CACNA1E: variants seen among roughly 807,000 people sequenced by gnomAD.
The protein encoded by CACNA1E is calcium voltage-gated channel subunit alpha1 E.
Under a neutral mutation model 259.2 loss-of-function variants are expected in CACNA1E, and 40 were observed. The ratio of observed to expected loss-of-function variants is 0.15; its 90% CI spans 0.12 to 0.20. The LOEUF (loss-of-function observed/expected upper bound fraction) is 0.20, where lower values mean the gene tolerates loss of function less well. Among genes scored for constraint, CACNA1E ranks in the 10% least tolerant of loss-of-function variants. The probability of loss-of-function intolerance (pLI) is 1.00; values close to 1 mark genes in which losing one functional copy is unlikely to be tolerated. For synonymous variants in CACNA1E, 1,104 were observed against 1,138.5 expected, an observed-to-expected ratio of 0.97 and a Z score of 0.61; for missense variants, 1,874 against 3,040.1, an observed-to-expected ratio of 0.62 and a Z score of 9.02.
intron 25 of CACNA1E, among the ~76,000 whole-genome samples, chr1:181,749,004 G>T (rs746601984): frequency 6.5e-4 from 99 of 152,228 alleles, no homozygotes; most frequent in Middle Eastern, 6.8e-3. Flanking sequence ...ACATTTAGAG[G>T]TTATCACATT....
Position 181,772,049 on chromosome 1 carries a change from A to C in CACNA1E, c.4974-17A>C. ...TGCAGAGCTGCTCCTGCTAACCAAA[A>C]TGTCTCTTGGGCTCAGGAGTGCCAC... is the stretch of plus-strand genomic sequence containing the variant. On this transcript the variant is annotated splice_polypyrimidine_tract_variant and intron_variant, in intron 36 of 47. Coordinates refer to ENST00000367573, the MANE Select transcript of CACNA1E (RefSeq NM_001205293.3). The C allele has an allele frequency of 1.2e-6, 2 of 1,611,282 alleles. No homozygotes were observed. The highest frequency in any genetic ancestry group is 1.7e-6 in the Non-Finnish European group (2 of 1,178,192).
intron 1 of CACNA1E, among the ~76,000 whole-genome samples, chr1:181,404,815 C>G (rs1193033498): frequency 6.6e-6 from 1 of 152,234 alleles, no homozygotes; most frequent in Non-Finnish European, 1.5e-5. Context: ...GGGGCCAGGC[C>G]TGGCAGCCAG....
At position 181,799,583 on chromosome 1, in the gene CACNA1E, T is replaced by A. The variant is rs934609019; in HGVS notation, c.*749T>A. The A allele has an allele frequency of 6.5e-6, 1 of 152,722 alleles. No individual in the cohort carries two copies. Among genetic ancestry groups the A allele is most frequent in the Non-Finnish European group, 1.5e-5 (1 of 68,150 alleles). The allele number at this position is 152,722 out of a possible 1,614,324, so 9.5% of individuals were successfully genotyped here. On this transcript the variant is annotated 3_prime_UTR_variant, in exon 48 of 48. Coordinates refer to ENST00000367573, the MANE Select transcript of CACNA1E (RefSeq NM_001205293.3). Reference sequence around the variant, plus strand: ...GGCCTGTCACCCACACAGTAGGTGCTGAGAGTTAGGACAGGTCAGGAAGTC... The same window carrying A: ...GGCCTGTCACCCACACAGTAGGTGCAGAGAGTTAGGACAGGTCAGGAAGTC...
At position 181,803,067 on chromosome 1, in the gene CACNA1E, T is replaced by G. The variant is rs954476356; in HGVS notation, c.*4233T>G. 5 of 152,194 alleles carry G rather than the reference T, an allele frequency of 3.3e-5. No homozygotes were observed. The highest frequency in any genetic ancestry group is 9.7e-5 in the African/African-American group (4 of 41,438). The allele number at this position is 152,194 out of a possible 1,614,324, so 9.4% of individuals were successfully genotyped here. ...CATCAGTTTCATGTCTGTTATGTTT[T>G]GAGATCCTCAGAGGCCTAGGGTTAG... is the stretch of plus-strand genomic sequence containing the variant. On this transcript the variant is annotated 3_prime_UTR_variant, in exon 48 of 48. Transcript: ENST00000367573.
At chr1:181,443,398 G>A (rs1660617406) in intron 2 of CACNA1E, among the ~76,000 whole-genome samples, 2 of 152,094 alleles carry the variant, frequency 1.3e-5, no homozygotes, top group African/African-American at 4.8e-5. Flanking sequence ...CTCTTCCCTG[G>A]GTTTTCCCCA....
At chr1:181,392,006 G>A (rs1206034284) in intron 1 of CACNA1E, among the ~76,000 whole-genome samples, 1 of 150,666 alleles carries the variant, frequency 6.6e-6, no homozygotes, top group East Asian at 2.0e-4. Context: ...ACCTCTTTTG[G>A]GCCAGGGATT....
At chr1:181,427,118 A>C (rs775854761) in intron 2 of CACNA1E, among the ~76,000 whole-genome samples, 3 of 149,196 alleles carry the variant, frequency 2.0e-5, no homozygotes, top group African/African-American at 7.5e-5. Context: ...ACCCCTCTCC[A>C]TCTCAGTGTC....
intron 7 of CACNA1E, among the ~76,000 whole-genome samples, chr1:181,656,749 C>T (rs1032957318): frequency 2.0e-5 from 3 of 152,166 alleles, no homozygotes; most frequent in Admixed American, 6.5e-5. Flanking sequence ...AAGTGCTCTA[C>T]GGTGTACCAT....
intron 1 of CACNA1E, among the ~76,000 whole-genome samples, chr1:181,405,930 G>A (rs2102110799): frequency 6.6e-6 from 1 of 152,252 alleles, no homozygotes; most frequent in African/African-American, 2.4e-5. Flanking sequence ...GCCTGTTTTT[G>A]TAAATAAAAA....
intron 2 of CACNA1E, among the ~76,000 whole-genome samples, chr1:181,437,765 G>C (rs554863037): frequency 4.6e-4 from 69 of 151,632 alleles, no homozygotes; most frequent in African/African-American, 1.6e-3. Flanking sequence ...GTGTGCCCCA[G>C]GGCTGGCTTC....
At position 181,771,317 on chromosome 1, in the gene CACNA1E, G is replaced by A. The variant is rs770139779; in HGVS notation, c.4906G>A (p.Glu1636Lys). 3.1e-6 allele frequency: 5 copies of A among 1,591,048 alleles called. No individual in the cohort carries two copies. The highest frequency in any genetic ancestry group is 4.3e-6 in the Non-Finnish European group (5 of 1,164,950). The part of the protein sequence containing the change: ...MQVFGNIKLD[E>K]ESHINRHNNF... ...GGTATTTGGAAACATAAAATTAGAC[G>A]AGGAGAGTCACATCAACCGGCACAA... Residue 1636 changes from glutamate (E) to lysine (K), a missense_variant, in exon 36 of 48, where the codon GAG (glutamate) becomes AAG (lysine). Glu to Lys is a moderately conservative substitution (Grantham distance 56). Transcript: ENST00000367573.
At chr1:181,793,080 T>C (rs1416415327) in intron 44 of CACNA1E, among the ~76,000 whole-genome samples, 1 of 152,230 alleles carries the variant, frequency 6.6e-6, no homozygotes, top group Non-Finnish European at 1.5e-5. Context: ...ACTTGGACAT[T>C]TAAAATTCTG....
intron 7 of CACNA1E, among the ~76,000 whole-genome samples, chr1:181,700,033 T>C (rs1652077149): frequency 6.6e-6 from 1 of 152,120 alleles, no homozygotes; most frequent in Non-Finnish European, 1.5e-5. Flanking sequence ...ATAGAGATGA[T>C]GTTGGAAGTC....
Position 181,511,329 on chromosome 1 carries a change from C to A in CACNA1E, c.373-42C>A, listed in dbSNP as rs774674188. ...GCTTTTGCCTGTGTCTCATAAAGCA[C>A]AGTCCTCTTCTCACTGGTGCTTCTG... On this transcript the variant is annotated intron_variant, in intron 2 of 47. Coordinates refer to ENST00000367573, the MANE Select transcript of CACNA1E (RefSeq NM_001205293.3). The A allele has an allele frequency of 2.5e-6, 4 of 1,611,020 alleles. No individual in the cohort carries two copies. The South Asian group carries it at 4.4e-5, about 18-fold the overall frequency.
chr1:181,568,338 G>A (rs1354976108), intron 3 of CACNA1E, among the ~76,000 whole-genome samples: 2 of 152,180 alleles, frequency 1.3e-5, no homozygotes, highest in Non-Finnish European at 2.9e-5. Context: ...AGTAGCATTA[G>A]TTTAGGTACA....
At chr1:181,631,879 C>T (rs1031138855) in intron 6 of CACNA1E, among the ~76,000 whole-genome samples, 1 of 152,164 alleles carries the variant, frequency 6.6e-6, no homozygotes, top group South Asian at 2.1e-4. Flanking sequence ...ATTCCTAGAT[C>T]CCTTTGAAGA....
chr1:181,787,449 T>C (rs1031897706), intron 43 of CACNA1E, among the ~76,000 whole-genome samples: 2 of 152,208 alleles, frequency 1.3e-5, no homozygotes, highest in African/African-American at 4.8e-5. Flanking sequence ...ACCCCCTAAA[T>C]TGCAATCTCT....
At position 181,509,706 on chromosome 1, in the gene CACNA1E, T is replaced by G. The variant is rs531571805; in HGVS notation, c.267-771T>G. Among the ~76,000 whole-genome samples the G allele has an allele frequency of 5.3e-4, 80 of 152,238 alleles. 1 individual carries two copies. The highest frequency in any genetic ancestry group is 1.9e-3 in the African/African-American group (78 of 41,532). ...AAGGCACAGGGAGCACCTCACCTGT[T>G]TTCAAAAACATCTAACAGAAAAAAG... On this transcript the variant is annotated intron_variant, in intron 1 of 47. Coordinates refer to ENST00000367573, the MANE Select transcript of CACNA1E (RefSeq NM_001205293.3).
chr1:181,580,560 G>C, intron 5 of CACNA1E, 35 bp from the exon 6 acceptor site: 2 of 1,599,268 alleles, frequency 1.3e-6, no homozygotes, highest in Non-Finnish European at 1.7e-6. Flanking sequence ...GAAACACCAT[G>C]TGATTTATCT....
Sources: gnomAD v4.1 joint callset for allele counts (sites outside exome capture counted in the v4.1 genomes callset) on GRCh38, gnomAD v4.1.1 for gene constraint, MANE v1.5 for transcripts, NCBI Gene and HGNC (gene_info 2026-07-23, HGNC 2026-07-21) for gene names.